Variants in GRM7 observed in about 807,000 individuals in gnomAD.
GRM7 encodes the protein glutamate metabotropic receptor 7, also known as metabotropic glutamate receptor 7.
GRM7 carries 35 observed loss-of-function variants against 84.5 expected under a neutral mutation model. The observed-to-expected ratio is 0.41, with a 90% CI of 0.32 to 0.55. The LOEUF is 0.55. Ranked by LOEUF, GRM7 falls within the 20% of genes least tolerant of loss-of-function variation. The pLI, the probability that GRM7 is intolerant of heterozygous loss-of-function variation, is 0.19. For missense variants in GRM7, 1,003 were observed against 1,194.6 expected (o/e 0.84, Z 2.36); for synonymous variants, 487 against 455.1 (o/e 1.07, Z -0.89).
chr3:7,684,451 A>G (rs1471551953), intron 9 of GRM7, among the ~76,000 whole-genome samples: 1 of 152,196 alleles, frequency 6.6e-6, no homozygotes, highest in Non-Finnish European at 1.5e-5. Flanking sequence ...CTTAGTCTCA[A>G]TGTATTTCAA....
At chr3:7,144,094 G>A (rs755601204) in intron 1 of GRM7, among the ~76,000 whole-genome samples, 11 of 152,132 alleles carry the variant, frequency 7.2e-5, no homozygotes, top group Non-Finnish European at 1.2e-4. Flanking sequence ...AACTTTTAGT[G>A]GCTATGTAGT....
intron 8 of GRM7, among the ~76,000 whole-genome samples, chr3:7,648,038 TACA>T (rs1222999565): frequency 6.6e-6 from 1 of 152,148 alleles, no homozygotes; most frequent in African/African-American, 2.4e-5. Context: ...AACTGCATTT[TACA>T]ACAATGCCCC....
chr3:7,058,600 C>T (rs1053426358), intron 1 of GRM7, among the ~76,000 whole-genome samples: 1 of 151,884 alleles, frequency 6.6e-6, no homozygotes, highest in Middle Eastern at 3.4e-3. Context: ...AATGCTTGTT[C>T]CTCAGTGCCA....
At chr3:6,927,386 C>A (rs1320531840) in intron 1 of GRM7, among the ~76,000 whole-genome samples, 1 of 151,356 alleles carries the variant, frequency 6.6e-6, no homozygotes, top group African/African-American at 2.4e-5. Context: ...CGAGATCATG[C>A]CACTGCACTC....
rs751853910 is a variant in GRM7 at position 7,306,643 on chromosome 3, A to G, written c.1024A>G (p.Thr342Ala). The G allele has an allele frequency of 6.2e-7, 1 of 1,602,560 alleles. No individual in the cohort carries two copies. Among genetic ancestry groups the G allele is most frequent in the Admixed American group, 1.7e-5 (1 of 58,388 alleles). The change falls in exon 4 of 10, where the codon ACG becomes GCG. Residue 342 changes from threonine (T) to alanine (A), a missense_variant. Physicochemically the swap from Thr to Ala is moderately conservative, Grantham distance 58 (BLOSUM62 0). Around this residue, in one of 2 missense-constraint regions of GRM7, gnomAD observed 910 missense variants for 1,126.0 expected, o/e 0.81. Coordinates refer to ENST00000357716, the MANE Select transcript of GRM7 (RefSeq NM_000844.4). ...GAITIQPKRATVEGFDAYFTS... is the reference protein window; with the variant it reads ...GAITIQPKRAAVEGFDAYFTS... ...CATCACCATTCAGCCCAAGCGAGCC[A>G]CGGTGGAAGGTATGGGTTTCATCAG...
At chr3:7,064,986 T>C (rs1697600997) in intron 1 of GRM7, among the ~76,000 whole-genome samples, 1 of 152,008 alleles carries the variant, frequency 6.6e-6, no homozygotes, top group African/African-American at 2.4e-5. Flanking sequence ...TTGTATATCT[T>C]CTTTTGAAAA....
rs553935946 is a variant in GRM7, at chr3:6,988,699, C to G, written c.519+126792C>G. On this transcript the variant is annotated intron_variant, in intron 1 of 9. Coordinates refer to ENST00000357716, the MANE Select transcript of GRM7 (RefSeq NM_000844.4). Reference sequence around the variant, plus strand: ...ATAGAAATTGAAGCCTTAAAATTTACTTGTCATTTGCAAATATTCAGAAGA... The same window carrying G: ...ATAGAAATTGAAGCCTTAAAATTTAGTTGTCATTTGCAAATATTCAGAAGA... Among the ~76,000 whole-genome samples, 10 of 152,266 alleles carry G rather than the reference C, an allele frequency of 6.6e-5. No individual in the cohort carries two copies. In the South Asian group the frequency reaches 2.1e-3, roughly 32 times the overall value.
At chr3:7,221,442 C>G (rs188153109) in intron 2 of GRM7, among the ~76,000 whole-genome samples, 74 of 152,188 alleles carry the variant, frequency 4.9e-4, no homozygotes, top group Admixed American at 2.7e-3. Context: ...TTTATAGGAG[C>G]CATGCAGCAC....
rs1413848842 is a variant in GRM7 at position 7,655,415 on chromosome 3, G to T, written c.2452-24634G>T. On this transcript the variant is annotated intron_variant, in intron 8 of 9. Transcript: ENST00000357716. ...TTTAGGATGGCTATGGAGGATTAGA[G>T]TTATAAAACCCATCCCAGAAATGCA... Among the ~76,000 whole-genome samples, 70 of 152,300 alleles carry T rather than the reference G, an allele frequency of 4.6e-4. 1 individual carries two copies. The highest frequency in any genetic ancestry group is 1.9e-3 in the South Asian group (9 of 4,828).
rs536348552 is a variant in GRM7 at position 6,861,162 on chromosome 3, C to A, written c.-227C>A. ...CGAGCAGCAAGCCGGTGAGCGCGAGCGCGGCGCGCCGGCCGGCTAACCCGA... is the reference window on the plus strand; with the variant it reads ...CGAGCAGCAAGCCGGTGAGCGCGAGAGCGGCGCGCCGGCCGGCTAACCCGA... On this transcript the variant is annotated 5_prime_UTR_variant, in exon 1 of 10. Coordinates refer to ENST00000357716, the MANE Select transcript of GRM7 (RefSeq NM_000844.4). This position sits in a 1 kb window ranked among gnomAD's most constrained non-coding sequence, Gnocchi z 6.4. 6 of 435,958 alleles carry A rather than the reference C, an allele frequency of 1.4e-5. No individual in the cohort carries two copies. The South Asian group carries it at 1.7e-4, about 12-fold the overall frequency. 27.0% of individuals were successfully genotyped at this position (435,958 alleles called of 1,614,324 possible).
At chr3:7,092,895 C>A (rs1446477265) in intron 1 of GRM7, among the ~76,000 whole-genome samples, 3 of 152,122 alleles carry the variant, frequency 2.0e-5, no homozygotes, top group African/African-American at 7.2e-5. Context: ...CCAGCCTGGA[C>A]AACATAGTGA....
intron 1 of GRM7, among the ~76,000 whole-genome samples, chr3:7,096,257 C>A (rs532721274): frequency 2.0e-4 from 31 of 152,146 alleles, no homozygotes; most frequent in Non-Finnish European, 4.0e-4. Context: ...TGAGTGCAGA[C>A]CCCACAAGGT....
chr3:7,050,972 G>T lies in GRM7; in HGVS notation c.520-95480G>T, dbSNP rs549454785. Among the ~76,000 whole-genome samples the T allele has an allele frequency of 7.9e-5, 12 of 151,916 alleles. No individual in the cohort carries two copies. In the East Asian group the frequency reaches 2.1e-3, roughly 27 times the overall value. On this transcript the variant is annotated intron_variant, in intron 1 of 9. Coordinates refer to ENST00000357716, the MANE Select transcript of GRM7 (RefSeq NM_000844.4). ...TGCTTACATTGTGTAAGCTCCACAG[G>T]ACTGTGAGTAACAGTATTAGAGCTT...
chr3:7,082,567 T>C (rs1055274092), intron 1 of GRM7, among the ~76,000 whole-genome samples: 7 of 152,088 alleles, frequency 4.6e-5, no homozygotes, highest in Non-Finnish European at 8.8e-5. Context: ...TCCAGTGTTA[T>C]TATTTAAGAC....
intron 7 of GRM7, among the ~76,000 whole-genome samples, chr3:7,572,428 G>C (rs1317373102): frequency 6.6e-6 from 1 of 152,036 alleles, no homozygotes; most frequent in Non-Finnish European, 1.5e-5. Context: ...AGAAACCTTA[G>C]GGAAGTCTCA....
At chr3:7,275,096 T>G (rs1699005096) in intron 2 of GRM7, among the ~76,000 whole-genome samples, 1 of 152,170 alleles carries the variant, frequency 6.6e-6, no homozygotes, top group African/African-American at 2.4e-5. Context: ...CCATCAAAGG[T>G]ATTCTTCATA....
chr3:7,510,685 G>C (rs1157446184), intron 7 of GRM7, among the ~76,000 whole-genome samples: 2 of 152,136 alleles, frequency 1.3e-5, no homozygotes, highest in South Asian at 2.1e-4. Context: ...CTGTCCTGCT[G>C]TCTATCATTG....
intron 8 of GRM7, among the ~76,000 whole-genome samples, chr3:7,606,471 T>G (rs1365491164): frequency 6.6e-6 from 1 of 152,178 alleles, no homozygotes; most frequent in South Asian, 2.1e-4. Context: ...CAAATAAGCA[T>G]AGAAAGTCAT....
intron 5 of GRM7, among the ~76,000 whole-genome samples, chr3:7,429,418 T>C (rs1484210038): frequency 6.6e-6 from 1 of 152,236 alleles, no homozygotes; most frequent in East Asian, 1.9e-4. Context: ...ATTCAGCCAT[T>C]GGCAAAACTA....
Sources: allele counts gnomAD v4.1 joint callset (sites outside exome capture counted in the v4.1 genomes callset), GRCh38; gene constraint gnomAD v4.1.1; regional missense constraint gnomAD v4.1.1; non-coding constraint Gnocchi (gnomAD v3.1); transcripts MANE v1.5; gene names NCBI Gene and HGNC (gene_info 2026-07-23, HGNC 2026-07-21).